The following PHF24 variants were observed in gnomAD, a reference collection of about 807,000 sequenced individuals.
PHF24 encodes the protein Galpha inhibitory interacting protein.
PHF24 carries 25 observed loss-of-function variants against 42.6 expected under a neutral mutation model. The ratio of observed to expected loss-of-function variants is 0.59; its 90% CI spans 0.43 to 0.82. The LOEUF (loss-of-function observed/expected upper bound fraction) is 0.82. Ranked by LOEUF, PHF24 falls within the 40% of genes least tolerant of loss-of-function variation. The probability of loss-of-function intolerance (pLI) is 0.00; values close to 1 mark genes in which losing one functional copy is unlikely to be tolerated. For missense variants in PHF24, 470 were observed against 538.1 expected (o/e 0.87, Z 1.25); for synonymous variants, 185 against 204.8 (o/e 0.90, Z 0.83).
the PHF24 span, among the ~76,000 whole-genome samples, chr9:34,677,401 T>G: frequency 3.7e-4 from 51 of 139,066 alleles, no homozygotes; most frequent in Non-Finnish European, 7.0e-4. Context: ...TTTTTTTTTT[T>G]TTTTTTTTTT....
At chr9:34,864,957 A>G in the PHF24 span, among the ~76,000 whole-genome samples, 1 of 151,948 alleles carries the variant, frequency 6.6e-6, no homozygotes, top group Non-Finnish European at 1.5e-5. Flanking sequence ...CAGGCAGATC[A>G]CGAGGTCAAG....
the PHF24 span, among the ~76,000 whole-genome samples, chr9:34,720,877 A>C: frequency 6.6e-6 from 1 of 152,202 alleles, no homozygotes; most frequent in Non-Finnish European, 1.5e-5. Context: ...ACTCACAACC[A>C]ACTGCTTGGG....
At chr9:34,767,550 C>T in the PHF24 span, among the ~76,000 whole-genome samples, 5 of 152,224 alleles carry the variant, frequency 3.3e-5, no homozygotes, top group Non-Finnish European at 5.9e-5. Flanking sequence ...TTTTTAAGCC[C>T]GTCGGAAAGG....
the PHF24 span, among the ~76,000 whole-genome samples, chr9:34,720,275 T>C: frequency 6.6e-6 from 1 of 151,880 alleles, no homozygotes; most frequent in African/African-American, 2.4e-5. Context: ...AAACCCCGTC[T>C]CTACTAAAAA....
chr9:34,815,996 C>A, the PHF24 span, among the ~76,000 whole-genome samples: 1 of 152,062 alleles, frequency 6.6e-6, no homozygotes, highest in Non-Finnish European at 1.5e-5. Context: ...TTTTGCCTTT[C>A]ATAGTCTGCA....
the PHF24 span, among the ~76,000 whole-genome samples, chr9:34,861,429 G>A: frequency 6.6e-6 from 1 of 152,162 alleles, no homozygotes; most frequent in Non-Finnish European, 1.5e-5. Context: ...GTCTGCCAGA[G>A]CAAATTTCAA....
At chr9:34,850,557 G>A in the PHF24 span, among the ~76,000 whole-genome samples, 1 of 152,098 alleles carries the variant, frequency 6.6e-6, no homozygotes, top group Non-Finnish European at 1.5e-5. Context: ...ATTTCCTCCT[G>A]TAGCTCAGAG....
At chr9:34,970,840 C>T (rs184876113) in intron 1 of PHF24, among the ~76,000 whole-genome samples, 6 of 152,312 alleles carry the variant, frequency 3.9e-5, no homozygotes, top group East Asian at 1.9e-4. Flanking sequence ...TTCCAGTCTA[C>T]GAAGCACCAT....
At chr9:34,749,500 A>C in the PHF24 span, among the ~76,000 whole-genome samples, 1 of 152,104 alleles carries the variant, frequency 6.6e-6, no homozygotes, top group Non-Finnish European at 1.5e-5. Context: ...TGAAAGGCCA[A>C]GGTGGGAGGA....
chr9:34,946,139 A>G, the PHF24 span, among the ~76,000 whole-genome samples: 1 of 152,226 alleles, frequency 6.6e-6, no homozygotes, highest in Non-Finnish European at 1.5e-5. Flanking sequence ...ACCTTGCAGG[A>G]TTATTTGGAG....
chr9:34,792,677 G>GAAAAAA, the PHF24 span, among the ~76,000 whole-genome samples: 1 of 147,092 alleles, frequency 6.8e-6, no homozygotes, highest in Non-Finnish European at 1.5e-5. Context: ...TCCATCTCAG[G>GAAAAAA]AAAAAAAAAA....
chr9:34,726,592 G>T, the PHF24 span: 5 of 1,551,768 alleles, frequency 3.2e-6, no homozygotes, highest in Non-Finnish European at 4.4e-6. Flanking sequence ...TGGTGTTTGG[G>T]CCCCGGAGCA....
chr9:34,747,851 G>A, the PHF24 span, among the ~76,000 whole-genome samples: 1 of 152,050 alleles, frequency 6.6e-6, no homozygotes, highest in Non-Finnish European at 1.5e-5. Context: ...ATATTTGAAA[G>A]TTCAAGGTGG....
chr9:34,936,314 G>A, the PHF24 span, among the ~76,000 whole-genome samples: 7 of 152,322 alleles, frequency 4.6e-5, no homozygotes, highest in South Asian at 1.2e-3. Context: ...CGAGTGATCC[G>A]CCAGCCTCGG....
At chr9:34,666,234 T>G in the PHF24 span, 1,201 of 160,438 alleles carry the variant, frequency 7.5e-3, 18 homozygotes, top group African/African-American at 0.027. Context: ...TCAGGTCAGG[T>G]TTTGGAGCTA....
At chr9:34,855,140 A>G in the PHF24 span, among the ~76,000 whole-genome samples, 8 of 152,036 alleles carry the variant, frequency 5.3e-5, no homozygotes, top group African/African-American at 1.7e-4. Context: ...AATTTCCCCC[A>G]TCCTTTTATT....
chr9:34,812,301 G>C, the PHF24 span, among the ~76,000 whole-genome samples: 15 of 152,190 alleles, frequency 9.9e-5, no homozygotes, highest in African/African-American at 1.9e-4. Context: ...ATAATGTGTG[G>C]TGAGAATGTG....
At chr9:34,675,667 T>C in the PHF24 span, among the ~76,000 whole-genome samples, 1 of 152,162 alleles carries the variant, frequency 6.6e-6, no homozygotes, top group African/African-American at 2.4e-5. Context: ...ATAACGCCAC[T>C]GCCAGGGTTT....
the PHF24 span, among the ~76,000 whole-genome samples, chr9:34,910,439 A>T: frequency 6.6e-6 from 1 of 152,224 alleles, no homozygotes; most frequent in African/African-American, 2.4e-5. Flanking sequence ...TTTCTAAGAG[A>T]GTAGATTTTA....
Sources: allele counts gnomAD v4.1 joint callset (sites outside exome capture counted in the v4.1 genomes callset), GRCh38; gene constraint gnomAD v4.1.1; transcripts MANE v1.5; gene names NCBI Gene and HGNC (gene_info 2026-07-23, HGNC 2026-07-21).